FBXO11: variants seen among roughly 807,000 people sequenced by gnomAD.
FBXO11 encodes the protein F-box only protein 11.
In FBXO11, 13 loss-of-function variants were observed where a neutral mutation model predicts 117.0. The ratio of observed to expected loss-of-function variants is 0.11; its 90% CI spans 0.07 to 0.18. The LOEUF (loss-of-function observed/expected upper bound fraction) is 0.18, where lower values mean the gene tolerates loss of function less well. Ranked by LOEUF, FBXO11 falls within the 10% of genes least tolerant of loss-of-function variation. The pLI, the probability that FBXO11 is intolerant of heterozygous loss-of-function variation, is 1.00. For missense variants in FBXO11, 767 were observed against 1,164.4 expected (o/e 0.66, Z 4.97); for synonymous variants, 490 against 380.5 (o/e 1.29, Z -3.35).
At chr2:47,827,917 G>A (rs961879048) in intron 11 of FBXO11, among the ~76,000 whole-genome samples, 16 of 150,392 alleles carry the variant, frequency 1.1e-4, no homozygotes, top group East Asian at 2.0e-4. Flanking sequence ...GGCTGGTCTC[G>A]AACTCCTGGC....
chr2:47,818,890 C>A, intron 15 of FBXO11, 26 bp from the exon 16 acceptor site: 2 of 1,484,722 alleles, frequency 1.3e-6, no homozygotes, highest in South Asian at 1.3e-5. Context: ...AAAAAAAAAG[C>A]TTTTTCAAGG....
At chr2:47,863,875 A>T (rs1404595435) in intron 1 of FBXO11, among the ~76,000 whole-genome samples, 2 of 151,372 alleles carry the variant, frequency 1.3e-5, no homozygotes, top group Admixed American at 1.3e-4. Context: ...CTGGAGGTGG[A>T]GGTTGCAGTG....
chr2:47,822,056 A>G (rs1192804090), intron 13 of FBXO11, among the ~76,000 whole-genome samples, 162 bp downstream of exon 13: 1 of 152,212 alleles, frequency 6.6e-6, no homozygotes, highest in Non-Finnish European at 1.5e-5. Flanking sequence ...ACTGTGCTCC[A>G]GTCTGCACAA....
intron 16 of FBXO11, among the ~76,000 whole-genome samples, chr2:47,817,181 C>T (rs997657258): frequency 6.6e-6 from 1 of 152,204 alleles, no homozygotes; most frequent in African/African-American, 2.4e-5. Flanking sequence ...TTGCACTTAG[C>T]TTTTTTTCTT....
intron 16 of FBXO11, among the ~76,000 whole-genome samples, chr2:47,817,586 CCTT>C (rs371362295): frequency 6.6e-6 from 1 of 152,144 alleles, no homozygotes; most frequent in African/African-American, 2.4e-5. Flanking sequence ...TCCTCACTAA[CCTT>C]CATCATTTCT....
chr2:47,867,652 C>T (rs1675294286), intron 1 of FBXO11, among the ~76,000 whole-genome samples: 1 of 152,128 alleles, frequency 6.6e-6, no homozygotes. Context: ...AACATCAGGA[C>T]CTTAAGCTTC....
At chr2:47,835,233 G>A (rs147842335) in intron 5 of FBXO11, among the ~76,000 whole-genome samples, 47 of 152,174 alleles carry the variant, frequency 3.1e-4, no homozygotes, top group African/African-American at 9.9e-4. Context: ...TCCCGACATC[G>A]CCAAATGTCC....
In FBXO11 at chr2:47,905,578, G is replaced by T. The variant is rs746114928; in HGVS notation, c.143C>A (p.Pro48Gln). ...QQPPQQQPPP[P>Q]PQQQQQQQPP... ...CTGCTGCTGCTGCTGCTGCTGCGGC[G>T]GCGGCGGAGGCTGCTGCTGGGGCGG... is the stretch of plus-strand genomic sequence containing the variant. The change falls in exon 1 of 23, where the codon CCG (proline) becomes CAG (glutamine). Residue 48 changes from proline (P) to glutamine (Q), a missense_variant. Physicochemically the swap from Pro to Gln is moderately conservative, Grantham distance 76 (BLOSUM62 -1). Coordinates refer to ENST00000403359, the MANE Select transcript of FBXO11 (RefSeq NM_001190274.2). 3.2e-6 allele frequency: 4 copies of T among 1,252,518 alleles called. No homozygotes were observed. The highest frequency in any genetic ancestry group is 3.4e-5 in the South Asian group (1 of 29,720). The allele number at this position is 1,252,518 out of a possible 1,614,324, so 77.6% of individuals were successfully genotyped here.
chr2:47,870,275 C>A (rs1675526978), intron 1 of FBXO11, among the ~76,000 whole-genome samples: 1 of 152,160 alleles, frequency 6.6e-6, no homozygotes, highest in South Asian at 2.1e-4. Context: ...GTTTTCTGCT[C>A]TGTACTACCC....
At chr2:47,872,406 C>G (rs1675690056) in intron 1 of FBXO11, among the ~76,000 whole-genome samples, 1 of 152,072 alleles carries the variant, frequency 6.6e-6, no homozygotes. Context: ...CTCACTGCAA[C>G]CTCTGCCTCC....
chr2:47,816,754 T>G lies in FBXO11; in HGVS notation c.2006+2025A>C, dbSNP rs191295942. Among the ~76,000 whole-genome samples, 9 of 152,316 alleles carry G rather than the reference T, an allele frequency of 5.9e-5. No homozygotes were observed. In the East Asian group the frequency reaches 1.5e-3, roughly 26 times the overall value. On this transcript the variant is annotated intron_variant, in intron 16 of 22. Coordinates refer to ENST00000403359, the MANE Select transcript of FBXO11 (RefSeq NM_001190274.2). ...TGGGTGCATTGTCAATGAGCAGTAA[T>G]ATTTTGAAATATTTTTTCTGAGCAC...
chr2:47,905,658 C>G lies in FBXO11; in HGVS notation c.63G>C (p.Gln21His). ...GCTGCGGGGGCTGCTGCTGCTGTTG[C>G]TGCACCGGGCGCGGCCGCGACACTC... is the stretch of plus-strand genomic sequence containing the variant. Reference protein sequence around the residue: ...PRRVSRPRPVQQQQQQPPQQP... With the variant: ...PRRVSRPRPVHQQQQQPPQQP... Residue 21 changes from glutamine (Q) to histidine (H), a missense_variant, in exon 1 of 23, where the codon CAG (glutamine) becomes CAC (histidine). Around this residue, in one of 10 missense-constraint regions of FBXO11, gnomAD observed 355 missense variants for 299.8 expected, o/e 1.18. Transcript: ENST00000403359. The G allele has an allele frequency of 6.7e-7, 1 of 1,494,656 alleles. No individual in the cohort carries two copies. Among genetic ancestry groups the G allele is most frequent in the Non-Finnish European group, 8.9e-7 (1 of 1,123,800 alleles). 92.6% of individuals were successfully genotyped at this position (1,494,656 alleles called of 1,614,324 possible). A position where few individuals can be genotyped will look rare whatever the true frequency, so the allele number is the denominator to read the frequency against.
chr2:47,886,976 A>G (rs1676903590), intron 1 of FBXO11, among the ~76,000 whole-genome samples: 1 of 152,132 alleles, frequency 6.6e-6, no homozygotes, highest in Non-Finnish European at 1.5e-5. Context: ...TCAAGCCATT[A>G]CACTCTAGTC....
intron 1 of FBXO11, among the ~76,000 whole-genome samples, chr2:47,897,007 C>T (rs998963626): frequency 6.6e-6 from 1 of 152,120 alleles, no homozygotes; most frequent in Non-Finnish European, 1.5e-5. Flanking sequence ...TTCTAATTCC[C>T]TTTAAAGCTT....
chr2:47,874,007 G>T (rs1019938484), intron 1 of FBXO11, among the ~76,000 whole-genome samples: 2 of 152,034 alleles, frequency 1.3e-5, no homozygotes, highest in Non-Finnish European at 2.9e-5. Flanking sequence ...GGGGTCAAGC[G>T]TTTGAGACCA....
At chr2:47,853,258 G>C (rs1674016196) in intron 1 of FBXO11, among the ~76,000 whole-genome samples, 1 of 151,988 alleles carries the variant, frequency 6.6e-6, no homozygotes, top group Admixed American at 6.6e-5. Context: ...TTTCAGTACA[G>C]ACGGGGCTTC....
rs1678401751 is a variant in FBXO11, at chr2:47,902,879, A to C, written c.232+2610T>G. ...ATTAAGTAACTCTATCCAAGATCCT[A>C]ATGCAAATGTTACATATCCATTAAG... On this transcript the variant is annotated intron_variant, in intron 1 of 22. Coordinates refer to ENST00000403359, the MANE Select transcript of FBXO11 (RefSeq NM_001190274.2). Among the ~76,000 whole-genome samples the C allele has an allele frequency of 2.6e-5, 4 of 152,166 alleles. No homozygotes were observed. The South Asian group carries it at 8.3e-4, about 32-fold the overall frequency.
chr2:47,821,683 G>A (rs898526488), intron 13 of FBXO11, among the ~76,000 whole-genome samples: 3 of 152,106 alleles, frequency 2.0e-5, no homozygotes, highest in African/African-American at 4.8e-5. Flanking sequence ...TACTCTGGAG[G>A]CTGAGGCATG....
chr2:47,814,040 T>G, intron 16 of FBXO11, 173 bp from the exon 17 acceptor site: 1 of 551,298 alleles, frequency 1.8e-6, no homozygotes, highest in South Asian at 2.0e-5. Context: ...TAATCCTGTA[T>G]TTCCCACAGA....
Sources: allele counts gnomAD v4.1 joint callset (sites outside exome capture counted in the v4.1 genomes callset), GRCh38; gene constraint gnomAD v4.1.1; regional missense constraint gnomAD v4.1.1; transcripts MANE v1.5; gene names NCBI Gene and HGNC (gene_info 2026-07-23, HGNC 2026-07-21).